DLGAP2: variants seen among roughly 807,000 people sequenced by gnomAD.
The protein encoded by DLGAP2 is DLG associated protein 2.
A neutral mutation model predicts 100.3 loss-of-function variants in DLGAP2; 26 were observed. The ratio of observed to expected loss-of-function variants is 0.26; its 90% CI spans 0.19 to 0.36. DLGAP2 has a LOEUF of 0.36. Among genes scored for constraint, DLGAP2 ranks in the 10% least tolerant of loss-of-function variants. DLGAP2 has a pLI of 1.00. For synonymous variants in DLGAP2, 886 were observed against 630.1 expected, an observed-to-expected ratio of 1.41 and a Z score of -6.08; for missense variants, 1,858 against 1,453.2, an observed-to-expected ratio of 1.28 and a Z score of -4.53.
At chr8:761,564 G>A (rs1439085933) in intron 1 of DLGAP2, among the ~76,000 whole-genome samples, 5 of 152,270 alleles carry the variant, frequency 3.3e-5, no homozygotes, top group African/African-American at 9.6e-5. Context: ...TGAAAGGCCA[G>A]TGTGGGGGAT....
intron 1 of DLGAP2, among the ~76,000 whole-genome samples, chr8:804,050 G>C (rs1193626369): frequency 6.6e-6 from 1 of 152,126 alleles, no homozygotes; most frequent in African/African-American, 2.4e-5. Context: ...GGCGAGAGTG[G>C]TGTTGGTTCA....
At chr8:1,224,170 A>G (rs1446530629) in intron 2 of DLGAP2, among the ~76,000 whole-genome samples, 2 of 152,246 alleles carry the variant, frequency 1.3e-5, no homozygotes, top group Non-Finnish European at 2.9e-5. Flanking sequence ...GAGGAATTGC[A>G]AGAAAATGAC....
chr8:1,374,986 G>C (rs965851030), intron 3 of DLGAP2, among the ~76,000 whole-genome samples: 1 of 151,484 alleles, frequency 6.6e-6, no homozygotes, highest in Non-Finnish European at 1.5e-5. Context: ...TACCACAGCC[G>C]GGGCGCTGTC....
chr8:1,168,361 T>C (rs919410989), intron 2 of DLGAP2, among the ~76,000 whole-genome samples: 7 of 152,126 alleles, frequency 4.6e-5, no homozygotes, highest in Non-Finnish European at 1.0e-4. Flanking sequence ...TGTGTCTTTA[T>C]AGCAGCATGA....
At chr8:1,152,840 G>A (rs1008239961) in intron 2 of DLGAP2, among the ~76,000 whole-genome samples, 74 of 152,248 alleles carry the variant, frequency 4.9e-4, no homozygotes, top group African/African-American at 9.6e-4. Flanking sequence ...AAATGCTGCC[G>A]TGTTCTTCCA....
At chr8:1,358,201 C>T (rs751797699) in intron 3 of DLGAP2, among the ~76,000 whole-genome samples, 5 of 152,132 alleles carry the variant, frequency 3.3e-5, no homozygotes, top group African/African-American at 1.2e-4. Flanking sequence ...AGGATGTGGA[C>T]GCACAAAGGA....
chr8:893,889 G>T (rs984823440), intron 1 of DLGAP2, among the ~76,000 whole-genome samples: 1 of 152,218 alleles, frequency 6.6e-6, no homozygotes, highest in Non-Finnish European at 1.5e-5. Context: ...TGGTTGTCTC[G>T]GAGTGCAGAG....
intron 2 of DLGAP2, among the ~76,000 whole-genome samples, chr8:1,020,180 T>G (rs1387544273): frequency 6.6e-6 from 1 of 152,118 alleles, no homozygotes; most frequent in Non-Finnish European, 1.5e-5. Flanking sequence ...ACAAGTAAAA[T>G]TTACTTATTT....
At chr8:814,462 T>A (rs546909366) in intron 1 of DLGAP2, among the ~76,000 whole-genome samples, 1 of 152,226 alleles carries the variant, frequency 6.6e-6, no homozygotes, top group African/African-American at 2.4e-5. Flanking sequence ...TGTAACTATG[T>A]CCTGAGGATG....
At chr8:1,007,683 T>C (rs1335711612) in intron 2 of DLGAP2, among the ~76,000 whole-genome samples, 1 of 152,004 alleles carries the variant, frequency 6.6e-6, no homozygotes, top group Non-Finnish European at 1.5e-5. Flanking sequence ...TCCATCTCTT[T>C]AGGAGTCAGC....
intron 1 of DLGAP2, among the ~76,000 whole-genome samples, chr8:767,118 G>C (rs948352451): frequency 3.3e-5 from 5 of 152,154 alleles, no homozygotes; most frequent in African/African-American, 1.2e-4. Flanking sequence ...CTCCTCTTTT[G>C]AGGTTGGTGT....
In DLGAP2 at chr8:1,467,520, T is replaced by C. The variant is rs1798660368; in HGVS notation, c.107-33846T>C. ...CCTCGGCTCCAGACCCCCATTACCTTGGCAGAGCCCAGCACAAGCTGGCGT... is the reference window on the plus strand; with the variant it reads ...CCTCGGCTCCAGACCCCCATTACCTCGGCAGAGCCCAGCACAAGCTGGCGT... On this transcript the variant is annotated intron_variant, in intron 3 of 14. Transcript: ENST00000637795. 2.6e-5 allele frequency among the ~76,000 whole-genome samples: 4 copies of C among 151,936 alleles called. 1 individual carries two copies. The South Asian group carries it at 8.3e-4, about 32-fold the overall frequency.
chr8:1,523,125 G>A (rs1476904267), intron 4 of DLGAP2, among the ~76,000 whole-genome samples: 1 of 152,184 alleles, frequency 6.6e-6, no homozygotes, highest in Non-Finnish European at 1.5e-5. Context: ...GAGCTTTCAC[G>A]CCACGCGTAT....
At chr8:757,438 C>T (rs545038785) in intron 1 of DLGAP2, among the ~76,000 whole-genome samples, 4 of 152,238 alleles carry the variant, frequency 2.6e-5, no homozygotes, top group Non-Finnish European at 4.4e-5. Flanking sequence ...CATTTAGCAC[C>T]GTGTTTTGAG....
chr8:1,445,283 C>T (rs1797954843), intron 3 of DLGAP2, among the ~76,000 whole-genome samples: 1 of 134,858 alleles, frequency 7.4e-6, no homozygotes, highest in African/African-American at 2.8e-5. Context: ...GTTCCCCTTT[C>T]TGTGTCCAAG....
At chr8:1,688,433 C>G (rs538295200) in intron 12 of DLGAP2, 1 of 152,272 alleles carries the variant, frequency 6.6e-6, no homozygotes, top group Non-Finnish European at 1.5e-5. Context: ...CTTTTTTCAT[C>G]TTTTTCATAC....
chr8:1,428,318 G>T (rs1467123341), intron 3 of DLGAP2, among the ~76,000 whole-genome samples: 1 of 151,974 alleles, frequency 6.6e-6, no homozygotes, highest in Non-Finnish European at 1.5e-5. Context: ...AGGACAATTT[G>T]TCTAAAAAAT....
At chr8:896,806 C>T (rs1231979174) in intron 1 of DLGAP2, among the ~76,000 whole-genome samples, 2 of 152,202 alleles carry the variant, frequency 1.3e-5, no homozygotes, top group East Asian at 1.9e-4. Context: ...CATTTATGGG[C>T]CCCCCAGTCT....
chr8:960,235 A>ATTTTTTTTTTT (rs1209692955), intron 2 of DLGAP2, among the ~76,000 whole-genome samples: 1 of 8,348 alleles, frequency 1.2e-4, no homozygotes, highest in African/African-American at 4.3e-4. Flanking sequence ...CCTGAAGTAT[A>ATTTTTTTTTTT]TCTTTTTTTT....
Sources: gnomAD v4.1 joint callset for allele counts (sites outside exome capture counted in the v4.1 genomes callset) on GRCh38, gnomAD v4.1.1 for gene constraint, MANE v1.5 for transcripts, NCBI Gene and HGNC (gene_info 2026-07-23, HGNC 2026-07-21) for gene names.